Variants in RAD50 observed in about 807,000 individuals in gnomAD.
The protein encoded by RAD50 is RAD50 double strand break repair protein, also known as DNA repair protein RAD50.
RAD50 carries 132 observed loss-of-function variants against 168.8 expected under a neutral mutation model. That is an observed-to-expected ratio of 0.78 (90% CI 0.68 to 0.90). The LOEUF (loss-of-function observed/expected upper bound fraction) is 0.90, where lower values mean the gene tolerates loss of function less well. Among genes scored for constraint, RAD50 ranks in the 40% least tolerant of loss-of-function variants. The pLI, the probability that RAD50 is intolerant of heterozygous loss-of-function variation, is 0.00. For missense variants in RAD50, 1,347 were observed against 1,534.4 expected (o/e 0.88, Z 2.04); for synonymous variants, 525 against 497.4 (o/e 1.06, Z -0.74).
chr5:132,624,850 T>TGACA (rs1451150595), intron 21 of RAD50, among the ~76,000 whole-genome samples: 2 of 123,832 alleles, frequency 1.6e-5, no homozygotes, highest in East Asian at 2.2e-4. Flanking sequence ...CCAGCGTGGG[T>TGACA]GACAGAAAGA....
Position 132,615,935 on chromosome 5 carries a change from T to G in RAD50, c.3037-68T>G, listed in dbSNP as rs568047903. The G allele has an allele frequency of 3.6e-6, 5 of 1,396,176 alleles. No individual in the cohort carries two copies. In the East Asian group the frequency reaches 1.2e-4, roughly 33 times the overall value. The allele number at this position is 1,396,176 out of a possible 1,614,324, so 86.5% of individuals were successfully genotyped here. A position where few individuals can be genotyped will look rare whatever the true frequency, so the allele number is the denominator to read the frequency against. ...CAGAAATGGCACTTGCTGTCACCAG[T>G]TGCCTGTTACAGATTTCATGTTAGT... On this transcript the variant is annotated intron_variant, in intron 19 of 24. Coordinates refer to ENST00000378823, the MANE Select transcript of RAD50 (RefSeq NM_005732.4).
At chr5:132,614,562 T>C (rs1277062044) in intron 19 of RAD50, among the ~76,000 whole-genome samples, 1 of 152,086 alleles carries the variant, frequency 6.6e-6, no homozygotes, top group African/African-American at 2.4e-5. Flanking sequence ...ATGGCATATC[T>C]AGTGTTTACA....
Position 132,579,364 on chromosome 5 carries a change from G to A in RAD50, c.413G>A (p.Arg138Gln), listed in dbSNP as rs587781571. The change falls in exon 4 of 25, where the codon CGA becomes CAA. Residue 138 changes from arginine (R) to glutamine (Q), a missense_variant. By Grantham distance (43) the Arg-to-Gln change is conservative (BLOSUM62 1). Around this residue, in one of 3 missense-constraint regions of RAD50, gnomAD observed 703 missense variants for 767.7 expected, o/e 0.92. Transcript: ENST00000378823. The part of the protein sequence containing the change: ...SLSSKCAEID[R>Q]EMISSLGVSK... ...AGCTCTAAGTGTGCAGAAATTGACC[G>A]AGAAATGATCAGTTCTCTTGGGGTT... The A allele has an allele frequency of 2.5e-6, 4 of 1,613,818 alleles. No homozygotes were observed. Among genetic ancestry groups the A allele is most frequent in the African/African-American group, 2.7e-5 (2 of 74,888 alleles).
chr5:132,592,563 C>T (rs992450013), intron 11 of RAD50, among the ~76,000 whole-genome samples: 1 of 152,194 alleles, frequency 6.6e-6, no homozygotes, highest in Admixed American at 6.5e-5. Flanking sequence ...TCTGCTAATG[C>T]TTTGGCTAGC....
At chr5:132,617,707 G>C (rs1751201006) in intron 20 of RAD50, among the ~76,000 whole-genome samples, 1 of 152,112 alleles carries the variant, frequency 6.6e-6, no homozygotes, top group African/African-American at 2.4e-5. Context: ...TAACTTCTTA[G>C]TGTTGATAAT....
In RAD50 at chr5:132,591,295, A is replaced by G. The variant is rs1554098402; in HGVS notation, c.1524A>G (p.Gln508=). Residue 508 remains glutamine, a synonymous_variant, in exon 10 of 25, where the codon CAA becomes CAG. Transcript: ENST00000378823. ...ETLKMEVISL[Q]NEKADLDRTL... ...TAAAAATGGAAGTAATAAGTCTCCA[A>G]AATGAAAAAGCAGACTTAGACAGGA... 6.2e-7 allele frequency: 1 copy of G among 1,613,168 alleles called. No individual in the cohort carries two copies. The highest frequency in any genetic ancestry group is 1.3e-5 in the African/African-American group (1 of 74,910).
chr5:132,608,796 C>CA, intron 17 of RAD50, 71 bp downstream of exon 17: 1 of 1,506,150 alleles, frequency 6.6e-7, no homozygotes, highest in South Asian at 1.3e-5. Context: ...CCACGTCGGA[C>CA]ACTTATTTCA....
chr5:132,587,188 T>C (rs114451421), intron 5 of RAD50, among the ~76,000 whole-genome samples: 2,216 of 152,304 alleles, frequency 0.015, 64 homozygotes, highest in African/African-American at 0.051. Flanking sequence ...TAACTCACCA[T>C]GAATTTCTAG....
rs1391584285 is a variant in RAD50, at chr5:132,595,021, T to TA, written c.1946_1947insA (p.Glu650Ter). The TA allele has an allele frequency of 6.2e-7, 1 of 1,613,616 alleles. No homozygotes were observed. Among genetic ancestry groups the TA allele is most frequent in the Non-Finnish European group, 8.5e-7 (1 of 1,179,640 alleles). On this transcript the variant is annotated frameshift_variant, in exon 12 of 25. Coordinates refer to ENST00000378823, the MANE Select transcript of RAD50 (RefSeq NM_005732.4). LOFTEE classifies it high-confidence loss of function. ...GATTTAGACAGGCTTAAAGAGGAAA[T>TA]TGAAAAATCATCAAAACAGCGAGGT...
chr5:132,640,332 C>T (rs1045929016), intron 23 of RAD50, among the ~76,000 whole-genome samples: 2 of 152,196 alleles, frequency 1.3e-5, no homozygotes, highest in African/African-American at 4.8e-5. Context: ...GCTCATCTTA[C>T]AGGATTATTA....
At chr5:132,620,196 C>T (rs563935278) in intron 21 of RAD50, among the ~76,000 whole-genome samples, 26 of 152,290 alleles carry the variant, frequency 1.7e-4, no homozygotes, top group African/African-American at 2.4e-4. Flanking sequence ...TGAGCTGCCA[C>T]GCCCTACTTC....
chr5:132,570,577 C>T (rs1405279922), intron 2 of RAD50, among the ~76,000 whole-genome samples: 1 of 152,222 alleles, frequency 6.6e-6, no homozygotes, highest in Non-Finnish European at 1.5e-5. Flanking sequence ...TTGCTAGCTT[C>T]CAACTTTTCT....
intron 2 of RAD50, among the ~76,000 whole-genome samples, chr5:132,570,174 A>C (rs1423028748): frequency 2.6e-5 from 4 of 152,168 alleles, no homozygotes; most frequent in Non-Finnish European, 4.4e-5. Flanking sequence ...GGTGTGGCTG[A>C]GTGAGGAAGG....
intron 5 of RAD50, among the ~76,000 whole-genome samples, chr5:132,580,317 G>A (rs1178875221): frequency 6.6e-6 from 1 of 151,942 alleles, no homozygotes; most frequent in Non-Finnish European, 1.5e-5. Context: ...TTTTGCTATA[G>A]TAGCATTCTC....
In RAD50 at chr5:132,557,022, T is replaced by C. The variant is rs1312176732; in HGVS notation, c.-303T>C. 1.0e-5 allele frequency: 7 copies of C among 697,786 alleles called. No homozygotes were observed. The highest frequency in any genetic ancestry group is 1.5e-5 in the Non-Finnish European group (7 of 458,566). 43.2% of individuals were successfully genotyped at this position (697,786 alleles called of 1,614,324 possible). ...GAGGCAGGAAGCTGTGAGTGCGCGG[T>C]TGCGGGGTCGCATTGTGGCTACGGC... On this transcript the variant is annotated 5_prime_UTR_variant, in exon 1 of 25. Transcript: ENST00000378823.
rs111764715 is a variant in RAD50 at position 132,567,623 on chromosome 5, A to G, written c.214-8154A>G. 5.5e-3 allele frequency among the ~76,000 whole-genome samples: 842 copies of G among 152,338 alleles called. 10 individuals carry two copies. The highest frequency in any genetic ancestry group is 0.018 in the African/African-American group (755 of 41,574). ...GCCAAATACTAAGCTATCCATGTAT[A>G]GGATGAGATTTAATGAGGGCTAGTA... On this transcript the variant is annotated intron_variant, in intron 2 of 24. Transcript: ENST00000378823.
intron 10 of RAD50, 72 bp downstream of exon 10, chr5:132,591,478 T>A: frequency 1.4e-6 from 2 of 1,425,332 alleles, no homozygotes; most frequent in African/African-American, 2.9e-5. Flanking sequence ...TCATAAGTCA[T>A]AGACTATAAG....
Position 132,645,369 on chromosome 5 carries a change from A to C in RAD50, c.*3005A>C, listed in dbSNP as rs754060959. On this transcript the variant is annotated 3_prime_UTR_variant, in exon 25 of 25. Coordinates refer to ENST00000378823, the MANE Select transcript of RAD50 (RefSeq NM_005732.4). ...AACTGTCCCGACAATCCCCAGCCCT[A>C]CTGGAATCCAGCTCTGCCTCCTCCC... The C allele has an allele frequency of 2.0e-5, 3 of 152,260 alleles. No individual in the cohort carries two copies. The highest frequency in any genetic ancestry group is 4.4e-5 in the Non-Finnish European group (3 of 68,094). 9.4% of individuals were successfully genotyped at this position (152,260 alleles called of 1,614,324 possible). A position where few individuals can be genotyped will look rare whatever the true frequency, so the allele number is the denominator to read the frequency against.
rs1751736996 is a variant in RAD50 at position 132,642,183 on chromosome 5, T to C, written c.3758T>C (p.Ile1253Thr). ...TTCTGAATATATTGTTGCAGGATAA[T>C]AAAAAGTCGCTCACAGCAGCGTAAC... Reference protein sequence around the residue: ...ESLAHALVEIIKSRSQQRNFQ... With the variant: ...ESLAHALVEITKSRSQQRNFQ... The change falls in exon 25 of 25, where the codon ATA becomes ACA. Residue 1253 changes from isoleucine to threonine, a missense_variant. By Grantham distance (89) the Ile-to-Thr change is moderately conservative. Around this residue, in one of 3 missense-constraint regions of RAD50, gnomAD observed 635 missense variants for 739.2 expected, o/e 0.86. Coordinates refer to ENST00000378823, the MANE Select transcript of RAD50 (RefSeq NM_005732.4). The C allele has an allele frequency of 6.2e-7, 1 of 1,613,728 alleles. No individual in the cohort carries two copies. The highest frequency in any genetic ancestry group is 8.5e-7 in the Non-Finnish European group (1 of 1,179,612).
Sources: allele counts gnomAD v4.1 joint callset (sites outside exome capture counted in the v4.1 genomes callset), GRCh38; gene constraint gnomAD v4.1.1; regional missense constraint gnomAD v4.1.1; transcripts MANE v1.5; gene names NCBI Gene and HGNC (gene_info 2026-07-23, HGNC 2026-07-21).